The following TAOK3 variants were observed in gnomAD, a reference collection of about 807,000 sequenced individuals.
The protein encoded by TAOK3 is serine/threonine-protein kinase TAO3.
In TAOK3, 40 loss-of-function variants were observed where a neutral mutation model predicts 120.4. The observed-to-expected ratio is 0.33, with a 90% CI of 0.26 to 0.43. TAOK3 has a LOEUF of 0.43. Ranked by LOEUF, TAOK3 falls within the 20% of genes least tolerant of loss-of-function variation. The probability of loss-of-function intolerance (pLI) is 1.00; values close to 1 mark genes in which losing one functional copy is unlikely to be tolerated. For missense variants in TAOK3, 821 were observed against 1,112.1 expected, an observed-to-expected ratio of 0.74 and a Z score of 3.72; for synonymous variants, 355 against 387.5, an observed-to-expected ratio of 0.92 and a Z score of 0.99.
At chr12:118,254,141 T>C (rs914259757) in intron 3 of TAOK3, among the ~76,000 whole-genome samples, 6 of 152,238 alleles carry the variant, frequency 3.9e-5, no homozygotes, top group African/African-American at 1.4e-4. Flanking sequence ...GCTATTTGTT[T>C]TTCTCATCAG....
intron 1 of TAOK3, among the ~76,000 whole-genome samples, chr12:118,290,981 G>A (rs2042453209): frequency 1.3e-5 from 2 of 149,928 alleles, no homozygotes; most frequent in South Asian, 2.1e-4. Flanking sequence ...TCTGCCTCTC[G>A]AGTAGCTGGG....
intron 17 of TAOK3, among the ~76,000 whole-genome samples, chr12:118,166,906 A>G (rs907537832): frequency 6.6e-6 from 1 of 151,934 alleles, no homozygotes; most frequent in African/African-American, 2.4e-5. Flanking sequence ...GATAAGATAC[A>G]TGCAGCTTCC....
chr12:118,348,768 A>G (rs561660529), intron 1 of TAOK3, among the ~76,000 whole-genome samples: 8 of 151,624 alleles, frequency 5.3e-5, no homozygotes, highest in Admixed American at 2.6e-4. Flanking sequence ...ATTTCTGAAG[A>G]AAAGATATGG....
At chr12:118,324,425 T>C (rs1258461412) in intron 1 of TAOK3, among the ~76,000 whole-genome samples, 3 of 152,156 alleles carry the variant, frequency 2.0e-5, no homozygotes, top group African/African-American at 4.8e-5. Context: ...AAATATCCAA[T>C]GGTTATTGTT....
intron 1 of TAOK3, among the ~76,000 whole-genome samples, chr12:118,279,802 T>C (rs1052196643): frequency 2.0e-5 from 3 of 150,974 alleles, no homozygotes; most frequent in Admixed American, 2.0e-4. Context: ...TCTTGCACTG[T>C]CAACCAGGCT....
In TAOK3 at chr12:118,371,332, C is replaced by A. The variant is rs55929628; in HGVS notation, c.-194+1316G>T. ...GACCTTTTCATTAAGATCAGGAAGC[C>A]CCTCGCTTTCAAGACATCCACATCA... is the stretch of plus-strand genomic sequence containing the variant. On this transcript the variant is annotated intron_variant, in intron 1 of 20. Transcript: ENST00000392533. The surrounding 1 kb of genome is among the most constrained non-coding windows in gnomAD (Gnocchi z 5.5). Among the ~76,000 whole-genome samples, 2 of 152,018 alleles carry A rather than the reference C, an allele frequency of 1.3e-5. No individual in the cohort carries two copies. Among genetic ancestry groups the A allele is most frequent in the African/African-American group, 4.8e-5 (2 of 41,402 alleles).
intron 1 of TAOK3, among the ~76,000 whole-genome samples, chr12:118,348,845 CTT>C (rs756607862): frequency 7.8e-6 from 1 of 127,808 alleles, no homozygotes; most frequent in Non-Finnish European, 1.7e-5. Flanking sequence ...AAAATAATTT[CTT>C]TTTTTTTTTT....
intron 1 of TAOK3, among the ~76,000 whole-genome samples, chr12:118,321,416 A>G (rs2043700349): frequency 6.6e-6 from 1 of 152,152 alleles, no homozygotes. Context: ...GCACGCCACC[A>G]CATCTGGCTA....
chr12:118,199,004 C>T, intron 13 of TAOK3, 47 bp downstream of exon 13: 2 of 1,605,450 alleles, frequency 1.2e-6, no homozygotes, highest in Non-Finnish European at 1.7e-6. Context: ...ACTGGATTCG[C>T]TATGATTGAC....
intron 1 of TAOK3, among the ~76,000 whole-genome samples, chr12:118,272,503 C>G (rs565014881): frequency 6.6e-6 from 1 of 151,480 alleles, no homozygotes; most frequent in Non-Finnish European, 1.5e-5. Context: ...CCAGTGAATT[C>G]GAAAACTCCA....
chr12:118,354,637 G>C (rs1476785142), intron 1 of TAOK3, among the ~76,000 whole-genome samples: 1 of 152,126 alleles, frequency 6.6e-6, no homozygotes, highest in Non-Finnish European at 1.5e-5. Context: ...GAGGAACTCG[G>C]TGGGAGGTGA....
At chr12:118,291,478 A>T (rs2042479087) in intron 1 of TAOK3, among the ~76,000 whole-genome samples, 1 of 152,096 alleles carries the variant, frequency 6.6e-6, no homozygotes, top group South Asian at 2.1e-4. Flanking sequence ...TACTTTTTAA[A>T]AGGAATTATA....
intron 1 of TAOK3, among the ~76,000 whole-genome samples, chr12:118,267,507 G>T (rs1008150771): frequency 2.0e-5 from 3 of 150,354 alleles, no homozygotes; most frequent in Non-Finnish European, 3.0e-5. Context: ...GAGCCACCGC[G>T]CCCGGCTGGA....
intron 9 of TAOK3, among the ~76,000 whole-genome samples, chr12:118,217,422 C>T (rs2038960045): frequency 6.6e-6 from 1 of 152,102 alleles, no homozygotes; most frequent in South Asian, 2.1e-4. Flanking sequence ...CATGGTGGCT[C>T]ATGCCTACAA....
rs2040275330 is a variant in TAOK3 at position 118,242,042 on chromosome 12, G to A, written c.294+1373C>T. Among the ~76,000 whole-genome samples, 3 of 150,942 alleles carry A rather than the reference G, an allele frequency of 2.0e-5. No individual in the cohort carries two copies. In the South Asian group the frequency reaches 6.3e-4, roughly 32 times the overall value. The stretch of plus-strand genomic sequence containing the variant: ...GTGGAGGTTGCAGTCAGCCGAGATC[G>A]CGCCATTGCACTCCAGCCTGGGCAA... On this transcript the variant is annotated intron_variant, in intron 5 of 20. Coordinates refer to ENST00000392533, the MANE Select transcript of TAOK3 (RefSeq NM_016281.4).
At chr12:118,157,997 A>G (rs540579333) in intron 19 of TAOK3, among the ~76,000 whole-genome samples, 5 of 152,246 alleles carry the variant, frequency 3.3e-5, no homozygotes, top group African/African-American at 1.2e-4. Context: ...TCAATGCTCT[A>G]TAATGTCTCC....
rs187820538 is a variant in TAOK3, at chr12:118,266,269, C to A, written c.-89+386G>T. ...AGTGCAATGCACGATCTCGGCTCAC[C>A]GCAACCTCTGCCTCCTGGGTTCAAC... On this transcript the variant is annotated intron_variant, in intron 2 of 20. Coordinates refer to ENST00000392533, the MANE Select transcript of TAOK3 (RefSeq NM_016281.4). Among the ~76,000 whole-genome samples, 403 of 152,172 alleles carry A rather than the reference C, an allele frequency of 2.6e-3. 2 individuals carry two copies. The highest frequency in any genetic ancestry group is 9.2e-3 in the African/African-American group (383 of 41,548).
rs1243691893 is a variant in TAOK3, at chr12:118,234,198, A to G, written c.552-433T>C. On this transcript the variant is annotated intron_variant, in intron 8 of 20. Transcript: ENST00000392533. Reference sequence around the variant, plus strand: ...ATTTTTCATATTGTTTAAAGTAATTAAATAAAGCAGGAAATTTTTTTTTTT... The same window carrying G: ...ATTTTTCATATTGTTTAAAGTAATTGAATAAAGCAGGAAATTTTTTTTTTT... Among the ~76,000 whole-genome samples, 3 of 140,932 alleles carry G rather than the reference A, an allele frequency of 2.1e-5. No individual in the cohort carries two copies. In the East Asian group the frequency reaches 5.9e-4, roughly 28 times the overall value. 92.5% of individuals were successfully genotyped at this position (140,932 alleles called of 152,430 possible).
At chr12:118,337,392 C>T (rs944345365) in intron 1 of TAOK3, among the ~76,000 whole-genome samples, 10 of 152,164 alleles carry the variant, frequency 6.6e-5, no homozygotes, top group South Asian at 4.1e-4. Context: ...TACCATACAA[C>T]GCAGCAGTTG....
Sources: gnomAD v4.1 joint callset for allele counts (sites outside exome capture counted in the v4.1 genomes callset) on GRCh38, gnomAD v4.1.1 for gene constraint, Gnocchi (gnomAD v3.1) non-coding constraint, MANE v1.5 for transcripts, NCBI Gene and HGNC (gene_info 2026-07-23, HGNC 2026-07-21) for gene names.